The following WNT11 variants were observed in gnomAD, a reference collection of about 807,000 sequenced individuals.
WNT11 encodes protein Wnt-11.
Under a neutral mutation model 35.6 loss-of-function variants are expected in WNT11, and 20 were observed. The observed-to-expected ratio is 0.56, with a 90% CI of 0.40 to 0.82. The LOEUF is 0.82. WNT11 is among the 40% of genes least tolerant of loss of function. WNT11 has a pLI of 0.00. For missense variants in WNT11, 459 were observed against 504.4 expected (o/e 0.91, Z 0.86); for synonymous variants, 200 against 211.9 (o/e 0.94, Z 0.49).
In WNT11 at chr11:76,187,093, C is replaced by T. The variant is rs149329237; in HGVS notation, c.1037G>A (p.Arg346His). The part of the protein sequence containing the change: ...CCYVTCRRCE[R>H]TVERYVCK Reference sequence around the variant, plus strand: ...CTTGCAGACATAGCGCTCCACGGTACGCTCACACCTGCGGCAGGTGACGTA... The same window carrying T: ...CTTGCAGACATAGCGCTCCACGGTATGCTCACACCTGCGGCAGGTGACGTA... The change falls in exon 5 of 5, where the codon CGT (arginine) becomes CAT (histidine). Residue 346 changes from arginine to histidine, a missense_variant. Physicochemically the swap from Arg to His is conservative, Grantham distance 29. Transcript: ENST00000322563. 55 of 1,611,720 alleles carry T rather than the reference C, an allele frequency of 3.4e-5. No individual in the cohort carries two copies. Among genetic ancestry groups the T allele is most frequent in the Non-Finnish European group, 4.4e-5 (52 of 1,180,032 alleles).
chr11:76,205,849 C>T (rs694971), intron 1 of WNT11, among the ~76,000 whole-genome samples: 122,448 of 152,114 alleles, frequency 0.8, 49,510 homozygotes, highest in East Asian at 0.98. Context: ...CTCACCCTCC[C>T]GTGACAGAGG....
At chr11:76,199,312 C>A (rs187296400) in intron 1 of WNT11, among the ~76,000 whole-genome samples, 1 of 151,826 alleles carries the variant, frequency 6.6e-6, no homozygotes, top group Non-Finnish European at 1.5e-5. Context: ...TAGTGAGAGC[C>A]GTCTCTACCA....
chr11:76,196,470 C>T lies in WNT11; in HGVS notation c.319+13G>A, dbSNP rs777052826. On this transcript the variant is annotated intron_variant, in intron 2 of 4. Transcript: ENST00000322563. The stretch of plus-strand genomic sequence containing the variant: ...CGCACCCACATGCATTCAGCAGCCT[C>T]GCCAGCTCCTACCTCTCTCCAGGTC... The T allele has an allele frequency of 1.4e-5, 23 of 1,612,318 alleles. No homozygotes were observed. The highest frequency in any genetic ancestry group is 6.7e-5 in the East Asian group (3 of 44,872).
At position 76,194,259 on chromosome 11, in the gene WNT11, C is replaced by T. The variant is rs2134577582; in HGVS notation, c.597+308G>A. On this transcript the variant is annotated intron_variant, in intron 3 of 4. Transcript: ENST00000322563. This position sits in a 1 kb window ranked among gnomAD's most constrained non-coding sequence, Gnocchi z 5.4. ...CTGAGGCTGGAGAGGCACTGACTTT[C>T]CCAAAGTCCCTAAGCGAGTTTAGTG... Among the ~76,000 whole-genome samples the T allele has an allele frequency of 6.6e-6, 1 of 152,102 alleles. No homozygotes were observed. Among genetic ancestry groups the T allele is most frequent in the South Asian group, 2.1e-4 (1 of 4,822 alleles).
chr11:76,191,039 C>T (rs1191339723), intron 4 of WNT11: 2 of 153,430 alleles, frequency 1.3e-5, no homozygotes. Flanking sequence ...GGAGAGGGCT[C>T]ACAGGGGCGA....
intron 4 of WNT11, among the ~76,000 whole-genome samples, chr11:76,190,052 GGGGGAGGGGAGACTGCCCGGGA>G (rs1194445213): frequency 4.2e-5 from 3 of 72,204 alleles, no homozygotes; most frequent in Admixed American, 1.1e-4. Context: ...CTGAGGGCAC[GGGGGAGGGGAGACTGCCCGGGA>G]GGGGAGGGGA....
chr11:76,194,435 C>T lies in WNT11; in HGVS notation c.597+132G>A, dbSNP rs548215055. 24 of 1,087,248 alleles carry T rather than the reference C, an allele frequency of 2.2e-5. No homozygotes were observed. Among genetic ancestry groups the T allele is most frequent in the South Asian group, 1.8e-4 (11 of 60,656 alleles). 67.4% of individuals were successfully genotyped at this position (1,087,248 alleles called of 1,614,324 possible). A position where few individuals can be genotyped will look rare whatever the true frequency, so the allele number is the denominator to read the frequency against. On this transcript the variant is annotated intron_variant, in intron 3 of 4. Transcript: ENST00000322563. This position sits in a 1 kb window ranked among gnomAD's most constrained non-coding sequence, Gnocchi z 5.4. ...GGAAGGGCTGAGGATGAGGATGGTG[C>T]GAGGCACATCAGGTGTGGGCCAGTC... is the stretch of plus-strand genomic sequence containing the variant.
upstream of WNT11, among the ~76,000 whole-genome samples, chr11:76,208,337 G>C (rs2134613541): frequency 6.6e-6 from 1 of 152,296 alleles, no homozygotes; most frequent in South Asian, 2.1e-4. Flanking sequence ...CCTCCGCAGA[G>C]CCCCGCAGCT....
At chr11:76,189,998 CTCA>C (rs1166345329) in intron 4 of WNT11, among the ~76,000 whole-genome samples, 2 of 151,900 alleles carry the variant, frequency 1.3e-5, no homozygotes, top group Non-Finnish European at 2.9e-5. Context: ...GCGGGGCCTC[CTCA>C]TGAGGAGTGA....
At chr11:76,188,438 C>T (rs534450899) in intron 4 of WNT11, among the ~76,000 whole-genome samples, 179 of 152,276 alleles carry the variant, frequency 1.2e-3, no homozygotes, top group Non-Finnish European at 2.1e-3. Flanking sequence ...TGCAAACATC[C>T]TTCCACTGCT....
intron 1 of WNT11, among the ~76,000 whole-genome samples, chr11:76,205,224 G>T (rs1418136637): frequency 6.6e-6 from 1 of 152,174 alleles, no homozygotes; most frequent in Non-Finnish European, 1.5e-5. Flanking sequence ...GTTTGCTGGC[G>T]GCGCAGCCAC....
chr11:76,187,363 C>T, intron 4 of WNT11, 124 bp from the exon 5 acceptor site: 1 of 897,530 alleles, frequency 1.1e-6, no homozygotes, highest in South Asian at 2.9e-5. Flanking sequence ...TTCTTAGAAG[C>T]TGTCTTGATC....
intron 4 of WNT11, among the ~76,000 whole-genome samples, chr11:76,188,651 C>T (rs761529387): frequency 6.6e-6 from 1 of 152,208 alleles, no homozygotes; most frequent in Non-Finnish European, 1.5e-5. Flanking sequence ...TAGAGATGAC[C>T]GAATGCAATC....
At chr11:76,208,987 A>AG (rs1953515465), upstream of WNT11, among the ~76,000 whole-genome samples, 1 of 152,068 alleles carries the variant, frequency 6.6e-6, no homozygotes, top group African/African-American at 2.4e-5. Context: ...GGGCTCGAGG[A>AG]GGGGGGAATC....
At chr11:76,208,979 G>C (rs1264403909), upstream of WNT11, among the ~76,000 whole-genome samples, 1 of 152,218 alleles carries the variant, frequency 6.6e-6, no homozygotes, top group Non-Finnish European at 1.5e-5. Context: ...CTAAGCCGGG[G>C]CTCGAGGAGG....
At chr11:76,199,490 T>A (rs552181908) in intron 1 of WNT11, among the ~76,000 whole-genome samples, 1 of 148,048 alleles carries the variant, frequency 6.8e-6, no homozygotes, top group African/African-American at 2.5e-5. Flanking sequence ...AAAAAAAGGC[T>A]ATGGTGAGAC....
intron 1 of WNT11, among the ~76,000 whole-genome samples, chr11:76,199,988 C>A (rs1416345736): frequency 1.3e-5 from 2 of 152,154 alleles, no homozygotes; most frequent in Non-Finnish European, 2.9e-5. Context: ...CAGGGTCCTG[C>A]CAAGGCTGAA....
chr11:76,204,352 T>C (rs1953435705), intron 1 of WNT11, among the ~76,000 whole-genome samples: 1 of 152,196 alleles, frequency 6.6e-6, no homozygotes, highest in African/African-American at 2.4e-5. Context: ...CGGAGCAGCG[T>C]CTGGGGCACT....
chr11:76,194,728 C>T lies in WNT11; in HGVS notation c.436G>A (p.Glu146Lys), dbSNP rs1421620452. 6.4e-7 allele frequency: 1 copy of T among 1,550,560 alleles called. No homozygotes were observed. Among genetic ancestry groups the T allele is most frequent in the African/African-American group, 1.4e-5 (1 of 73,068 alleles). The change falls in exon 3 of 5, where the codon GAG becomes AAG. Residue 146 changes from glutamate (E) to lysine (K), a missense_variant. Physicochemically the swap from Glu to Lys is moderately conservative, Grantham distance 56 (BLOSUM62 1). Transcript: ENST00000322563. This position sits in a 1 kb window ranked among gnomAD's most constrained non-coding sequence, Gnocchi z 5.4. ...PGCSCGPVPG[E>K]PPGPGNRWGG... ...CAGCGGTTCCCGGGCCCGGGTGGCT[C>T]ACCTGGGACGGGGCCGCAGGAGCAG...
Sources: gnomAD v4.1 joint callset for allele counts (sites outside exome capture counted in the v4.1 genomes callset) on GRCh38, gnomAD v4.1.1 for gene constraint, Gnocchi (gnomAD v3.1) non-coding constraint, MANE v1.5 for transcripts, NCBI Gene and HGNC (gene_info 2026-07-23, HGNC 2026-07-21) for gene names.